Variants in CAMK2B observed in about 807,000 individuals in gnomAD.
CAMK2B encodes calcium/calmodulin-dependent protein kinase type II subunit beta.
CAMK2B carries 27 observed loss-of-function variants against 93.7 expected under a neutral mutation model. That is an observed-to-expected ratio of 0.29 (90% confidence interval 0.21 to 0.40). The LOEUF (loss-of-function observed/expected upper bound fraction) is 0.40, where lower values mean the gene tolerates loss of function less well. CAMK2B is among the 10% of genes least tolerant of loss of function. CAMK2B has a pLI of 1.00. For synonymous variants in CAMK2B, 374 were observed against 358.8 expected (o/e 1.04, Z -0.48); for missense variants, 568 against 895.8 (o/e 0.63, Z 4.67).
intron 16 of CAMK2B, among the ~76,000 whole-genome samples, 168 bp from the exon 17 acceptor site, chr7:44,231,222 A>T (rs990750997): frequency 2.0e-5 from 3 of 152,202 alleles, no homozygotes; most frequent in African/African-American, 7.2e-5. Context: ...CTCAGGGGAC[A>T]TGCCCTCTGG....
intron 3 of CAMK2B, among the ~76,000 whole-genome samples, chr7:44,259,809 G>A (rs1027307191): frequency 7.2e-5 from 11 of 152,168 alleles, no homozygotes; most frequent in Admixed American, 2.6e-4. Context: ...CCCACGTGCC[G>A]GTTCTGATGA....
intron 1 of CAMK2B, among the ~76,000 whole-genome samples, chr7:44,296,369 A>G (rs766669985): frequency 6.6e-5 from 10 of 152,224 alleles, no homozygotes; most frequent in Non-Finnish European, 1.0e-4. Context: ...AAACATATCA[A>G]TAGGAACTTC....
chr7:44,318,607 A>G (rs564813184), intron 1 of CAMK2B, among the ~76,000 whole-genome samples: 1 of 152,370 alleles, frequency 6.6e-6, no homozygotes, highest in East Asian at 1.9e-4. Flanking sequence ...AGCAAAAGGC[A>G]TAACACCTGC....
rs61206852 is a variant in CAMK2B, at chr7:44,240,511, G to T, written c.946+196C>A. 1.0e-3 allele frequency among the ~76,000 whole-genome samples: 157 copies of T among 152,342 alleles called. No homozygotes were observed. In the East Asian group the frequency reaches 0.028, roughly 27 times the overall value. On this transcript the variant is annotated intron_variant, in intron 12 of 23. Transcript: ENST00000395749. ...AGCACGAAGGTGATGGCCTCGGGGG[G>T]CTGGACCCTGTGGTATCACCCAAGG... is the stretch of plus-strand genomic sequence containing the variant.
At chr7:44,259,331 G>A (rs1343651802) in intron 3 of CAMK2B, 5 of 204,248 alleles carry the variant, frequency 2.4e-5, no homozygotes, top group Non-Finnish European at 5.2e-5. Context: ...AGGAGCTGCC[G>A]TGCAGCTCCA....
intron 1 of CAMK2B, among the ~76,000 whole-genome samples, chr7:44,297,557 T>C (rs1036700853): frequency 6.6e-6 from 1 of 152,210 alleles, no homozygotes; most frequent in African/African-American, 2.4e-5. Context: ...GATTATCTTA[T>C]TGGATCAAAA....
chr7:44,250,779 C>T (rs2096773537), intron 5 of CAMK2B, among the ~76,000 whole-genome samples: 1 of 152,210 alleles, frequency 6.6e-6, no homozygotes, highest in Non-Finnish European at 1.5e-5. Context: ...CCGCCCGCCT[C>T]GGCCTCCCAG....
intron 1 of CAMK2B, among the ~76,000 whole-genome samples, chr7:44,296,662 G>C (rs1584736258): frequency 6.6e-6 from 1 of 152,158 alleles, no homozygotes; most frequent in East Asian, 1.9e-4. Flanking sequence ...GAAAATCAAA[G>C]AGAAAATCTT....
chr7:44,242,439 G>A (rs2096689220), intron 9 of CAMK2B, 99 bp from the exon 10 acceptor site: 2 of 1,550,326 alleles, frequency 1.3e-6, no homozygotes, highest in East Asian at 2.3e-5. Flanking sequence ...GAATCTGGGA[G>A]AGCAGGACCC....
intron 1 of CAMK2B, among the ~76,000 whole-genome samples, chr7:44,287,667 G>A (rs139072057): frequency 1.7e-3 from 255 of 152,278 alleles, no homozygotes; most frequent in African/African-American, 5.6e-3. Context: ...GTGCTTGCCC[G>A]CCAGTGTTTA....
chr7:44,265,205 T>G lies in CAMK2B; in HGVS notation c.161-2141A>C, dbSNP rs1417988388. ...CCTGCTTCCATATAACACACTCGCT[T>G]CTTCTGACGCGTGTGTAACACCAGG... On this transcript the variant is annotated intron_variant, in intron 2 of 23. Coordinates refer to ENST00000395749, the MANE Select transcript of CAMK2B (RefSeq NM_001220.5). Among the ~76,000 whole-genome samples, 11 of 152,230 alleles carry G rather than the reference T, an allele frequency of 7.2e-5. 1 individual carries two copies. The highest frequency in any genetic ancestry group is 1.2e-4 in the Non-Finnish European group (8 of 68,038).
In CAMK2B at chr7:44,240,677, C is replaced by T. The variant is rs753880115; in HGVS notation, c.946+30G>A. The T allele has an allele frequency of 2.0e-5, 33 of 1,612,210 alleles. No individual in the cohort carries two copies. In the South Asian group the frequency reaches 2.3e-4, roughly 11 times the overall value. On this transcript the variant is annotated intron_variant, in intron 12 of 23. Transcript: ENST00000395749. ...GCGTGGGCCAGCAGGGAGGGGGCAG[C>T]GCCTGTCTCCCTGGAGAAGAAAGGC...
chr7:44,292,258 T>G (rs570478675), intron 1 of CAMK2B, among the ~76,000 whole-genome samples: 4 of 152,266 alleles, frequency 2.6e-5, no homozygotes, highest in African/African-American at 9.6e-5. Context: ...AGAACACCCG[T>G]TTTACAAGAA....
chr7:44,244,522 G>C lies in CAMK2B; in HGVS notation c.415-995C>G, dbSNP rs575690260. Among the ~76,000 whole-genome samples, 18 of 152,046 alleles carry C rather than the reference G, an allele frequency of 1.2e-4. No homozygotes were observed. In the East Asian group the frequency reaches 3.5e-3, roughly 30 times the overall value. On this transcript the variant is annotated intron_variant, in intron 6 of 23. Coordinates refer to ENST00000395749, the MANE Select transcript of CAMK2B (RefSeq NM_001220.5). ...CTCGGGTCCCTTGGCCAGCCTCCCA[G>C]GCCACCCCTTTGCCCTGGTGAGTAC... is the stretch of plus-strand genomic sequence containing the variant.
chr7:44,234,422 T>C lies in CAMK2B; in HGVS notation c.1099A>G (p.Ser367Gly). 1 of 1,544,208 alleles carries C rather than the reference T, an allele frequency of 6.5e-7. No individual in the cohort carries two copies. Among genetic ancestry groups the C allele is most frequent in the Non-Finnish European group, 8.7e-7 (1 of 1,149,116 alleles). Residue 367 changes from serine to glycine, a missense_variant, in exon 15 of 24, where the codon AGC becomes GGC. Transcript: ENST00000395749. ...GCAGGAGGAAGCGTCCCTTTGGGGC[T>C]GGTGGCGGCTGCACTGTTTTTGGTG... is the stretch of plus-strand genomic sequence containing the variant. ...NSTKNSAAATSPKGTLPPAAL... is the reference protein window; with the variant it reads ...NSTKNSAAATGPKGTLPPAAL...
rs775743651 is a variant in CAMK2B, at chr7:44,242,254, G to A, written c.783C>T (p.Ile261=). 1 of 1,613,980 alleles carries A rather than the reference G, an allele frequency of 6.2e-7. No individual in the cohort carries two copies. Among genetic ancestry groups the A allele is most frequent in the Non-Finnish European group, 8.5e-7 (1 of 1,179,940 alleles). Residue 261 remains isoleucine (I), a synonymous_variant, in exon 10 of 24, where the codon ATC becomes ATT. Coordinates refer to ENST00000395749, the MANE Select transcript of CAMK2B (RefSeq NM_001220.5). ...GGTGCTTCAGGGCCTCATGGGCTGT[G>A]ATGCGCTTGGCAGGGTTGATGGTCA... The part of the protein sequence containing the change: ...QMLTINPAKR[I]TAHEALKHPW...
intron 13 of CAMK2B, among the ~76,000 whole-genome samples, chr7:44,236,320 G>C (rs1360941777): frequency 2.0e-5 from 3 of 152,182 alleles, no homozygotes; most frequent in African/African-American, 4.8e-5. Flanking sequence ...CGGACCCCAT[G>C]TGCAGTGGGC....
At chr7:44,318,435 T>G in intron 1 of CAMK2B, among the ~76,000 whole-genome samples, 1 of 152,184 alleles carries the variant, frequency 6.6e-6, no homozygotes, top group East Asian at 1.9e-4. Context: ...AAGGCCTGAG[T>G]GACCCAGACC....
Position 44,229,093 on chromosome 7 carries a change from C to G in CAMK2B, c.1340-169G>C, listed in dbSNP as rs773166695. On this transcript the variant is annotated intron_variant, in intron 18 of 23. Transcript: ENST00000395749. ...AGCAGGGAGCCCCCCCGCCCGCAAG[C>G]TGAGGTGGAGTGAGGCCTGCACCGA... 5.4e-6 allele frequency: 4 copies of G among 734,098 alleles called. 1 individual carries two copies. In the South Asian group the frequency reaches 6.1e-5, roughly 11 times the overall value. The allele number at this position is 734,098 out of a possible 1,614,324, so 45.5% of individuals were successfully genotyped here.
Sources: allele counts gnomAD v4.1 joint callset (sites outside exome capture counted in the v4.1 genomes callset), GRCh38; gene constraint gnomAD v4.1.1; transcripts MANE v1.5; gene names NCBI Gene and HGNC (gene_info 2026-07-23, HGNC 2026-07-21).